The following USP1 variants were observed in gnomAD, a reference collection of about 807,000 sequenced individuals.
The protein encoded by USP1 is ubiquitin carboxyl-terminal hydrolase 1.
A neutral mutation model predicts 72.2 loss-of-function variants in USP1; 18 were observed. The ratio of observed to expected loss-of-function variants is 0.25; its 90% confidence interval spans 0.17 to 0.37. The LOEUF is 0.37. Ranked by LOEUF, USP1 falls within the 10% of genes least tolerant of loss-of-function variation. USP1 has a pLI of 1.00. For synonymous variants in USP1, 354 were observed against 303.7 expected (o/e 1.17, Z -1.72); for missense variants, 759 against 884.9 (o/e 0.86, Z 1.81).
In USP1 at chr1:62,447,490, A is replaced by G. The variant is rs560047883; in HGVS notation, c.1399A>G (p.Lys467Glu). The G allele has an allele frequency of 4.3e-6, 7 of 1,613,898 alleles. No individual in the cohort carries two copies. The highest frequency in any genetic ancestry group is 1.7e-4 in the Middle Eastern group (1 of 6,058). Residue 467 changes from lysine to glutamate, a missense_variant, in exon 7 of 9, where the codon AAA becomes GAA. By Grantham distance (56) the Lys-to-Glu change is moderately conservative. Coordinates refer to ENST00000339950, the MANE Select transcript of USP1 (RefSeq NM_003368.5). ...SVPVQEDELS[K>E]VEESSEISPE... Reference sequence around the variant, plus strand: ...GCCAGTACAAGAAGATGAGCTTTCCAAAGTAGAGGAGAGTTCTGAAAGTAA... The same window carrying G: ...GCCAGTACAAGAAGATGAGCTTTCCGAAGTAGAGGAGAGTTCTGAAAGTAA...
At chr1:62,438,349 G>A (rs1308734590) in intron 1 of USP1, among the ~76,000 whole-genome samples, 2 of 152,132 alleles carry the variant, frequency 1.3e-5, no homozygotes, top group Non-Finnish European at 2.9e-5. Flanking sequence ...TCAGAAGACA[G>A]CGCTTCCTCA....
intron 1 of USP1, among the ~76,000 whole-genome samples, chr1:62,438,849 T>C (rs1382476541): frequency 6.6e-6 from 1 of 152,190 alleles, no homozygotes; most frequent in Non-Finnish European, 1.5e-5. Flanking sequence ...ACGAGTATTG[T>C]GGTTTCTAGT....
rs766502874 is a variant in USP1 at position 62,447,523 on chromosome 1, T to C, written c.1420+12T>C. 1.9e-6 allele frequency: 3 copies of C among 1,608,638 alleles called. No individual in the cohort carries two copies. The highest frequency in any genetic ancestry group is 1.1e-5 in the South Asian group (1 of 90,044). ...GGAGAGTTCTGAAAGTAAGCAAAAT[T>C]GGAGTCTTGTGTGGACCATGATGGA... On this transcript the variant is annotated intron_variant, in intron 7 of 8. Coordinates refer to ENST00000339950, the MANE Select transcript of USP1 (RefSeq NM_003368.5).
intron 6 of USP1, among the ~76,000 whole-genome samples, chr1:62,446,377 T>C (rs556616879): frequency 2.0e-5 from 3 of 152,322 alleles, no homozygotes; most frequent in Non-Finnish European, 2.9e-5. Context: ...CTCATAATGT[T>C]TTAAGAAAGT....
At chr1:62,441,656 T>C (rs982117306) in intron 3 of USP1, 48 bp downstream of exon 3, 1 of 1,565,454 alleles carries the variant, frequency 6.4e-7, no homozygotes, top group Middle Eastern at 1.8e-4. Context: ...AGGCAAAGAT[T>C]GATGTAGCAT....
At chr1:62,447,545 T>A (rs750448419) in intron 7 of USP1, 34 bp downstream of exon 7, 31 of 1,584,118 alleles carry the variant, frequency 2.0e-5, no homozygotes, top group Middle Eastern at 3.4e-4. Flanking sequence ...TGGACCATGA[T>A]GGAATATTTA....
At chr1:62,448,701 T>C in intron 8 of USP1, 35 bp downstream of exon 8, 1 of 1,589,292 alleles carries the variant, frequency 6.3e-7, no homozygotes, top group Non-Finnish European at 8.6e-7. Flanking sequence ...ATGAAGAAAA[T>C]GAGCTGCTGT....
chr1:62,438,787 C>T (rs1191635218), intron 1 of USP1, among the ~76,000 whole-genome samples: 1 of 151,994 alleles, frequency 6.6e-6, no homozygotes, highest in African/African-American at 2.4e-5. Context: ...ATCTTTTTTT[C>T]CTACTCAAAG....
chr1:62,441,880 G>T (rs1645136577), intron 3 of USP1, among the ~76,000 whole-genome samples: 1 of 152,166 alleles, frequency 6.6e-6, no homozygotes, highest in Non-Finnish European at 1.5e-5. Context: ...GATTCCTGGT[G>T]CTACAGTGTG....
At position 62,450,823 on chromosome 1, in the gene USP1, T is replaced by G. The variant is rs773779815; in HGVS notation, c.2200T>G (p.Ser734Ala). 6.2e-7 allele frequency: 1 copy of G among 1,614,006 alleles called. No individual in the cohort carries two copies. Among genetic ancestry groups the G allele is most frequent in the South Asian group, 1.1e-5 (1 of 91,046 alleles). The change falls in exon 9 of 9, where the codon TCA becomes GCA. Residue 734 changes from serine (S) to alanine (A), a missense_variant. Coordinates refer to ENST00000339950, the MANE Select transcript of USP1 (RefSeq NM_003368.5). Reference sequence around the variant, plus strand: ...TATTAGTGGATTTGAGAACAAAATTTCATACGTAGTGCAAAGCTTAAAGGA... The same window carrying G: ...TATTAGTGGATTTGAGAACAAAATTGCATACGTAGTGCAAAGCTTAAAGGA... ...INISGFENKI[S>A]YVVQSLKEYE...
intron 2 of USP1, among the ~76,000 whole-genome samples, chr1:62,440,379 ATATATTTG>A (rs1417624312): frequency 3.3e-5 from 5 of 150,642 alleles, no homozygotes; most frequent in African/African-American, 1.2e-4. Flanking sequence ...ATATATATAT[ATATATTTG>A]TTTGGTTCAG....
intron 3 of USP1, 107 bp downstream of exon 3, chr1:62,441,715 C>T (rs1378818730): frequency 1.6e-6 from 2 of 1,286,300 alleles, no homozygotes; most frequent in Non-Finnish European, 2.1e-6. Flanking sequence ...ACTGTCTTTG[C>T]CTTTGATTGT....
intron 7 of USP1, among the ~76,000 whole-genome samples, chr1:62,448,116 G>C (rs1645189084): frequency 6.6e-6 from 1 of 152,116 alleles, no homozygotes; most frequent in African/African-American, 2.4e-5. Context: ...CAATAATTGA[G>C]CCACTGTTGT....
chr1:62,440,617 G>T (rs995530246), intron 2 of USP1, among the ~76,000 whole-genome samples: 5 of 152,106 alleles, frequency 3.3e-5, no homozygotes, highest in Admixed American at 6.5e-5. Context: ...TAACATATAG[G>T]CACTCTGCTG....
chr1:62,444,260 C>CAAAAAAAAAA lies in USP1; in HGVS notation c.558-467_558-458dup, dbSNP rs34522182. 8.3e-5 allele frequency among the ~76,000 whole-genome samples: 6 copies of CAAAAAAAAAA among 72,404 alleles called. No homozygotes were observed. In the East Asian group the frequency reaches 1.3e-3, roughly 15 times the overall value. The allele number at this position is 72,404 out of a possible 152,430, so 47.5% of individuals were successfully genotyped here. On this transcript the variant is annotated intron_variant, in intron 5 of 8. Coordinates refer to ENST00000339950, the MANE Select transcript of USP1 (RefSeq NM_003368.5). Reference sequence around the variant, plus strand: ...GGCAACAGATCAAGACCCTTGTCTCCAAAAAAAAAAAAAAAAAAAAGGCCA... The same window carrying CAAAAAAAAAA: ...GGCAACAGATCAAGACCCTTGTCTCCAAAAAAAAAAAAAAAAAAAAAAAAAAAAAAGGCCA...
In USP1 at chr1:62,437,283, T is replaced by A. The variant is rs1459488910; in HGVS notation, c.-187T>A. 2.5e-6 allele frequency: 1 copy of A among 397,214 alleles called. No individual in the cohort carries two copies. Among genetic ancestry groups the A allele is most frequent in the African/African-American group, 2.1e-5 (1 of 48,574 alleles). 24.6% of individuals were successfully genotyped at this position (397,214 alleles called of 1,614,324 possible). On this transcript the variant is annotated 5_prime_UTR_variant, in exon 1 of 9. Coordinates refer to ENST00000339950, the MANE Select transcript of USP1 (RefSeq NM_003368.5). ...CGCGGGGAGGGCGAGCCGACCAGAT[T>A]TTCCTGGGGCCGGGGACCCGGCGGG...
At position 62,437,411 on chromosome 1, in the gene USP1, C is replaced by T. The variant is rs1645097640; in HGVS notation, c.-70+11C>T. Reference sequence around the variant, plus strand: ...TTGGGCCATGACCAGGTAAGGAGGGCCTGGGAGGAGGGGCCGGCTCCCGGG... The same window carrying T: ...TTGGGCCATGACCAGGTAAGGAGGGTCTGGGAGGAGGGGCCGGCTCCCGGG... On this transcript the variant is annotated intron_variant, in intron 1 of 8. Coordinates refer to ENST00000339950, the MANE Select transcript of USP1 (RefSeq NM_003368.5). 2.6e-6 allele frequency: 1 copy of T among 377,606 alleles called. No individual in the cohort carries two copies. The highest frequency in any genetic ancestry group is 4.7e-6 in the Non-Finnish European group (1 of 213,180). 23.4% of individuals were successfully genotyped at this position (377,606 alleles called of 1,614,324 possible). A position where few individuals can be genotyped will look rare whatever the true frequency, so the allele number is the denominator to read the frequency against.
chr1:62,436,775 A>T, upstream of USP1: 1 of 224,190 alleles, frequency 4.5e-6, no homozygotes, highest in Non-Finnish European at 8.7e-6. Context: ...GGCCGCTAGC[A>T]CCTCGCGCGC....
intron 2 of USP1, 62 bp from the exon 3 acceptor site, chr1:62,441,426 T>A: frequency 6.8e-7 from 1 of 1,467,954 alleles, no homozygotes; most frequent in Non-Finnish European, 9.0e-7. Context: ...TCTACAGAAG[T>A]AATATTTTCA....
Sources: allele counts gnomAD v4.1 joint callset (sites outside exome capture counted in the v4.1 genomes callset), GRCh38; gene constraint gnomAD v4.1.1; transcripts MANE v1.5; gene names NCBI Gene and HGNC (gene_info 2026-07-23, HGNC 2026-07-21).